Variants in FIGN observed in about 807,000 individuals in gnomAD.
FIGN encodes the protein fidgetin.
A neutral mutation model predicts 51.3 loss-of-function variants in FIGN; 11 were observed. That is an observed-to-expected ratio of 0.21 (90% CI 0.13 to 0.35). The LOEUF is 0.35. FIGN is among the 10% of genes least tolerant of loss of function. FIGN has a pLI of 1.00. For synonymous variants in FIGN, 407 were observed against 363.2 expected, an observed-to-expected ratio of 1.12 and a Z score of -1.37; for missense variants, 857 against 943.6, an observed-to-expected ratio of 0.91 and a Z score of 1.20.
At chr2:163,643,106 A>G (rs148816610) in intron 2 of FIGN, among the ~76,000 whole-genome samples, 1 of 152,312 alleles carries the variant, frequency 6.6e-6, no homozygotes, top group Non-Finnish European at 1.5e-5. Context: ...AAGCAGGAGG[A>G]GTCACAGTTC....
intron 2 of FIGN, among the ~76,000 whole-genome samples, chr2:163,706,586 CT>C (rs2105353992): frequency 6.6e-6 from 1 of 152,186 alleles, no homozygotes; most frequent in South Asian, 2.1e-4. Context: ...GCTAATTTTT[CT>C]TTTTGTAAAA....
intron 2 of FIGN, among the ~76,000 whole-genome samples, chr2:163,648,085 C>A (rs1398266026): frequency 6.6e-6 from 1 of 152,028 alleles, no homozygotes. Flanking sequence ...AAATGATTTG[C>A]AAGGTCAAAG....
intron 2 of FIGN, among the ~76,000 whole-genome samples, chr2:163,659,095 T>C (rs1224344739): frequency 6.6e-6 from 1 of 152,110 alleles, no homozygotes; most frequent in African/African-American, 2.4e-5. Context: ...AATGGTCAGA[T>C]GTTCTATAGT....
At position 163,608,862 on chromosome 2, in the gene FIGN, C is replaced by T. The variant is rs572348357; in HGVS notation, c.*690G>A. On this transcript the variant is annotated 3_prime_UTR_variant, in exon 3 of 3. Transcript: ENST00000333129. ...TAACATTGAAGCCTATCCTATTACT[C>T]TCAGCAGTACATAGTGCTTTCAACA... is the stretch of plus-strand genomic sequence containing the variant. 6.5e-6 allele frequency: 1 copy of T among 152,740 alleles called. No individual in the cohort carries two copies. Among genetic ancestry groups the T allele is most frequent in the Admixed American group, 6.5e-5 (1 of 15,298 alleles). The allele number at this position is 152,740 out of a possible 1,614,324, so 9.5% of individuals were successfully genotyped here.
chr2:163,719,525 G>C (rs976584140), intron 2 of FIGN, among the ~76,000 whole-genome samples: 1 of 152,148 alleles, frequency 6.6e-6, no homozygotes, highest in Admixed American at 6.6e-5. Flanking sequence ...TCTAGTGCTT[G>C]TTGCTATTTA....
intron 2 of FIGN, among the ~76,000 whole-genome samples, chr2:163,633,344 A>T (rs1683176228): frequency 6.6e-6 from 1 of 152,208 alleles, no homozygotes; most frequent in Non-Finnish European, 1.5e-5. Context: ...TAAGTGCTTT[A>T]CATATTTATA....
intron 2 of FIGN, among the ~76,000 whole-genome samples, chr2:163,721,481 T>A (rs918987351): frequency 6.6e-6 from 1 of 152,238 alleles, no homozygotes; most frequent in Non-Finnish European, 1.5e-5. Context: ...AAAATGCTTT[T>A]GCTACTTTTA....
At chr2:163,717,249 G>T (rs1030864413) in intron 2 of FIGN, among the ~76,000 whole-genome samples, 1 of 152,148 alleles carries the variant, frequency 6.6e-6, no homozygotes, top group African/African-American at 2.4e-5. Context: ...GTTAACTACG[G>T]AATTGAGAAT....
chr2:163,660,705 A>ATTTTTTTTTTTTTTTTTT lies in FIGN; in HGVS notation c.26-48900_26-48899insAAAAAAAAAAAAAAAAAA, dbSNP rs1559012214. Among the ~76,000 whole-genome samples, 4 of 117,718 alleles carry ATTTTTTTTTTTTTTTTTT rather than the reference A, an allele frequency of 3.4e-5. No homozygotes were observed. In the East Asian group the frequency reaches 9.4e-4, roughly 28 times the overall value. The allele number at this position is 117,718 out of a possible 152,430, so 77.2% of individuals were successfully genotyped here. On this transcript the variant is annotated intron_variant, in intron 2 of 2. Coordinates refer to ENST00000333129, the MANE Select transcript of FIGN (RefSeq NM_018086.4). Reference sequence around the variant, plus strand: ...TATATACACATATACATATATATGTATACACATATACATATATATGTATAC... The same window carrying ATTTTTTTTTTTTTTTTTT: ...TATATACACATATACATATATATGTATTTTTTTTTTTTTTTTTTTACACATATACATATATATGTATAC...
intron 2 of FIGN, among the ~76,000 whole-genome samples, chr2:163,716,953 T>C (rs1386601273): frequency 1.3e-5 from 2 of 152,188 alleles, no homozygotes; most frequent in Non-Finnish European, 2.9e-5. Flanking sequence ...ATCCAGTACA[T>C]TGCTTTACAT....
At chr2:163,616,435 A>C (rs904003345) in intron 2 of FIGN, among the ~76,000 whole-genome samples, 3 of 152,320 alleles carry the variant, frequency 2.0e-5, no homozygotes, top group South Asian at 2.1e-4. Context: ...TACGTGTACT[A>C]TTCAACAGTT....
Position 163,609,351 on chromosome 2 carries a change from C to G in FIGN, c.*201G>C. The G allele has an allele frequency of 1.7e-6, 1 of 584,152 alleles. No individual in the cohort carries two copies. Among genetic ancestry groups the G allele is most frequent in the Non-Finnish European group, 3.0e-6 (1 of 332,648 alleles). 36.2% of individuals were successfully genotyped at this position (584,152 alleles called of 1,614,324 possible). On this transcript the variant is annotated 3_prime_UTR_variant, in exon 3 of 3. Transcript: ENST00000333129. ...AGCATCCACATATGCTTTCTGTCAT[C>G]TGGGGCTTTCAAATCAGAAGCTCTC...
rs200043201 is a variant in FIGN, at chr2:163,723,875, ATCATCTCTT to A, written c.25+11019_25+11027del. On this transcript the variant is annotated intron_variant, in intron 2 of 2. Coordinates refer to ENST00000333129, the MANE Select transcript of FIGN (RefSeq NM_018086.4). ...TAGTAAGCATATTTAATGAATGCTT[ATCATCTCTT>A]CTGATGGGCTTAACAAAGTAATAAA... Among the ~76,000 whole-genome samples, 1,095 of 152,326 alleles carry A rather than the reference ATCATCTCTT, an allele frequency of 7.2e-3. 12 individuals carry two copies. The highest frequency in any genetic ancestry group is 0.025 in the African/African-American group (1,030 of 41,578).
At chr2:163,654,089 C>G (rs748948350) in intron 2 of FIGN, among the ~76,000 whole-genome samples, 1 of 151,898 alleles carries the variant, frequency 6.6e-6, no homozygotes, top group Admixed American at 6.6e-5. Flanking sequence ...TGAATAATCT[C>G]GAGGATTTGG....
intron 2 of FIGN, among the ~76,000 whole-genome samples, chr2:163,711,906 T>C (rs1573966471): frequency 6.6e-6 from 1 of 152,182 alleles, no homozygotes; most frequent in Non-Finnish European, 1.5e-5. Context: ...TAGAGTCTTG[T>C]ATCTTTCTGG....
At chr2:163,680,736 C>T (rs1037157766) in intron 2 of FIGN, among the ~76,000 whole-genome samples, 2 of 151,974 alleles carry the variant, frequency 1.3e-5, no homozygotes, top group African/African-American at 4.8e-5. Flanking sequence ...GAGCTTCATG[C>T]AGCCTCTTTG....
intron 2 of FIGN, among the ~76,000 whole-genome samples, chr2:163,704,540 G>A (rs1401773908): frequency 1.3e-5 from 2 of 151,878 alleles, no homozygotes; most frequent in Non-Finnish European, 2.9e-5. Flanking sequence ...CAATGGCTAT[G>A]AGGTATTGGA....
intron 2 of FIGN, among the ~76,000 whole-genome samples, chr2:163,621,258 G>A (rs1438835934): frequency 6.6e-6 from 1 of 152,010 alleles, no homozygotes; most frequent in Non-Finnish European, 1.5e-5. Context: ...GACAAAATTT[G>A]TTTGGGTTAT....
At chr2:163,670,573 C>T (rs1199985110) in intron 2 of FIGN, among the ~76,000 whole-genome samples, 6 of 152,118 alleles carry the variant, frequency 3.9e-5, no homozygotes, top group Non-Finnish European at 2.9e-5. Flanking sequence ...TTATAAAAGT[C>T]TGCTTTTTAA....
Sources: allele counts gnomAD v4.1 joint callset (sites outside exome capture counted in the v4.1 genomes callset), GRCh38; gene constraint gnomAD v4.1.1; transcripts MANE v1.5; gene names NCBI Gene and HGNC (gene_info 2026-07-23, HGNC 2026-07-21).